The following GPATCH2 variants were observed in gnomAD, a reference collection of about 807,000 sequenced individuals.
GPATCH2 encodes the protein G patch domain-containing protein 2.
GPATCH2 carries 51 observed loss-of-function variants against 58.0 expected under a neutral mutation model. That is an observed-to-expected ratio of 0.88 (90% CI 0.70 to 1.11). The LOEUF is 1.11. Ranked by LOEUF, GPATCH2 falls within the 50% of genes most tolerant of loss-of-function variation. The probability of loss-of-function intolerance (pLI) is 0.00; values close to 1 mark genes in which losing one functional copy is unlikely to be tolerated. For missense variants in GPATCH2, 625 were observed against 652.2 expected (o/e 0.96, Z 0.45); for synonymous variants, 222 against 218.5 (o/e 1.02, Z -0.14).
intron 8 of GPATCH2, among the ~76,000 whole-genome samples, chr1:217,471,362 G>T (rs968177936): frequency 1.3e-5 from 2 of 152,058 alleles, no homozygotes; most frequent in Non-Finnish European, 2.9e-5. Flanking sequence ...ATTAACAGCT[G>T]CTCAAAAATG....
chr1:217,572,381 T>C (rs1474990126), intron 5 of GPATCH2, among the ~76,000 whole-genome samples: 1 of 152,208 alleles, frequency 6.6e-6, no homozygotes, highest in Non-Finnish European at 1.5e-5. Context: ...TATATGATGA[T>C]GTCCAGAGTT....
chr1:217,628,784 T>C (rs1469477727), intron 1 of GPATCH2, among the ~76,000 whole-genome samples: 3 of 151,492 alleles, frequency 2.0e-5, no homozygotes, highest in Non-Finnish European at 4.4e-5. Flanking sequence ...ACTGGAGAAG[T>C]TGAAAAAGTC....
chr1:217,537,465 A>T (rs1387932671), intron 5 of GPATCH2, among the ~76,000 whole-genome samples: 1 of 152,092 alleles, frequency 6.6e-6, no homozygotes, highest in Admixed American at 6.5e-5. Flanking sequence ...TATATATTAT[A>T]AAGATTATAA....
chr1:217,543,856 A>G (rs1270250925), intron 5 of GPATCH2, among the ~76,000 whole-genome samples: 1 of 152,180 alleles, frequency 6.6e-6, no homozygotes, highest in Non-Finnish European at 1.5e-5. Flanking sequence ...AGGGCAGGAA[A>G]AGCCATAGTT....
At chr1:217,609,322 G>C (rs371324425) in intron 5 of GPATCH2, 25 of 985,096 alleles carry the variant, frequency 2.5e-5, no homozygotes, top group Middle Eastern at 5.2e-4. Flanking sequence ...ATGACAATAT[G>C]ATTCAGAATC....
chr1:217,500,687 T>C (rs763648847), intron 6 of GPATCH2, among the ~76,000 whole-genome samples: 2 of 152,106 alleles, frequency 1.3e-5, no homozygotes, highest in Non-Finnish European at 2.9e-5. Flanking sequence ...TTTCATTTAC[T>C]GTGTTGGGTG....
At chr1:217,490,050 A>G (rs1202610489) in intron 8 of GPATCH2, among the ~76,000 whole-genome samples, 2 of 152,130 alleles carry the variant, frequency 1.3e-5, no homozygotes, top group Non-Finnish European at 2.9e-5. Flanking sequence ...TATGAAATAC[A>G]CCCTTTAAAA....
At chr1:217,599,110 A>G (rs1667993699) in intron 5 of GPATCH2, among the ~76,000 whole-genome samples, 1 of 152,226 alleles carries the variant, frequency 6.6e-6, no homozygotes, top group African/African-American at 2.4e-5. Flanking sequence ...GTTGAATATG[A>G]GAAGGCTGGA....
At chr1:217,591,577 G>A (rs1667593667) in intron 5 of GPATCH2, among the ~76,000 whole-genome samples, 2 of 152,026 alleles carry the variant, frequency 1.3e-5, no homozygotes, top group African/African-American at 4.8e-5. Context: ...TTTGAAAGGT[G>A]AGTATGATAA....
intron 6 of GPATCH2, among the ~76,000 whole-genome samples, chr1:217,500,866 G>C (rs534423013): frequency 7.2e-4 from 109 of 151,918 alleles, no homozygotes; most frequent in Non-Finnish European, 1.5e-3. Flanking sequence ...CCTGCTAAGT[G>C]ATTTATCAAT....
At chr1:217,584,223 C>T (rs561206482) in intron 5 of GPATCH2, among the ~76,000 whole-genome samples, 328 of 150,724 alleles carry the variant, frequency 2.2e-3, no homozygotes, top group Non-Finnish European at 4.0e-3. Flanking sequence ...CGAGGCCTCC[C>T]GCGGTGGCTC....
At chr1:217,599,868 T>G (rs192845708) in intron 5 of GPATCH2, among the ~76,000 whole-genome samples, 1 of 152,316 alleles carries the variant, frequency 6.6e-6, no homozygotes. Context: ...ATTAAGGATA[T>G]ATGTAAATGA....
At chr1:217,628,214 C>A (rs1244194595) in intron 1 of GPATCH2, among the ~76,000 whole-genome samples, 1 of 151,688 alleles carries the variant, frequency 6.6e-6, no homozygotes, top group African/African-American at 2.4e-5. Flanking sequence ...AATGACTGAA[C>A]AAAAAACAAA....
chr1:217,459,789 C>T (rs528640276), intron 8 of GPATCH2, among the ~76,000 whole-genome samples: 1 of 152,180 alleles, frequency 6.6e-6, no homozygotes, highest in African/African-American at 2.4e-5. Context: ...CATGCATTTA[C>T]TCATTTTTGG....
chr1:217,550,664 C>A (rs1348674280), intron 5 of GPATCH2, among the ~76,000 whole-genome samples: 3 of 151,692 alleles, frequency 2.0e-5, no homozygotes, highest in African/African-American at 7.3e-5. Flanking sequence ...TAACAGAAAC[C>A]CATAAAGTAA....
At chr1:217,476,551 A>T (rs1660978000) in intron 8 of GPATCH2, among the ~76,000 whole-genome samples, 1 of 152,120 alleles carries the variant, frequency 6.6e-6, no homozygotes, top group African/African-American at 2.4e-5. Flanking sequence ...GTAGTATGAA[A>T]GCACGTCTAT....
chr1:217,491,463 T>G, intron 8 of GPATCH2: 1 of 214,276 alleles, frequency 4.7e-6, no homozygotes, highest in Non-Finnish European at 9.0e-6. Context: ...AATATTTTAT[T>G]TTAAAAATTA....
At chr1:217,524,695 C>A (rs1663731290) in intron 5 of GPATCH2, among the ~76,000 whole-genome samples, 1 of 151,202 alleles carries the variant, frequency 6.6e-6, no homozygotes, top group South Asian at 2.1e-4. Context: ...CCCGTCTCCA[C>A]CCAAAAAATA....
intron 5 of GPATCH2, among the ~76,000 whole-genome samples, chr1:217,519,948 G>A (rs1000019850): frequency 2.0e-5 from 3 of 152,098 alleles, no homozygotes; most frequent in African/African-American, 2.4e-5. Context: ...TCAAGTTATA[G>A]AACTCCTCTA....
Sources: allele counts gnomAD v4.1 joint callset (sites outside exome capture counted in the v4.1 genomes callset), GRCh38; gene constraint gnomAD v4.1.1; transcripts MANE v1.5; gene names NCBI Gene and HGNC (gene_info 2026-07-23, HGNC 2026-07-21).